The following DLC1 variants were observed in gnomAD, a reference collection of about 807,000 sequenced individuals.
DLC1 encodes the protein rho GTPase-activating protein 7.
A neutral mutation model predicts 140.3 loss-of-function variants in DLC1; 54 were observed. The ratio of observed to expected loss-of-function variants is 0.38; its 90% CI spans 0.31 to 0.48. DLC1 has a LOEUF of 0.48. DLC1 is among the 20% of genes least tolerant of loss of function. The pLI is 0.96. For synonymous variants in DLC1, 986 were observed against 728.1 expected (o/e 1.35, Z -5.70); for missense variants, 2,536 against 1,907.0 (o/e 1.33, Z -6.14).
At chr8:13,120,818 G>A (rs191510019) in intron 5 of DLC1, among the ~76,000 whole-genome samples, 198 of 152,160 alleles carry the variant, frequency 1.3e-3, no homozygotes, top group African/African-American at 4.7e-3. Flanking sequence ...GAACCATTAG[G>A]CCATATTTGC....
chr8:13,324,749 G>A (rs962115205), intron 4 of DLC1, among the ~76,000 whole-genome samples: 1 of 151,968 alleles, frequency 6.6e-6, no homozygotes, highest in Non-Finnish European at 1.5e-5. Flanking sequence ...GAGTCTTGTT[G>A]CATACCAAGC....
intron 5 of DLC1, among the ~76,000 whole-genome samples, chr8:13,138,777 T>C (rs1359554021): frequency 1.3e-5 from 2 of 152,194 alleles, no homozygotes; most frequent in Non-Finnish European, 2.9e-5. Flanking sequence ...ACCTGGTATT[T>C]AGCCTTTTCA....
At chr8:13,162,450 G>A (rs1824776581) in intron 5 of DLC1, among the ~76,000 whole-genome samples, 1 of 152,114 alleles carries the variant, frequency 6.6e-6, no homozygotes, top group African/African-American at 2.4e-5. Context: ...AGCCTTCTGA[G>A]TAGCTGGGAT....
chr8:13,280,541 T>A (rs992088883), intron 5 of DLC1, among the ~76,000 whole-genome samples: 1 of 152,164 alleles, frequency 6.6e-6, no homozygotes, highest in African/African-American at 2.4e-5. Flanking sequence ...TTTGGTAATG[T>A]ATTATTGATT....
At chr8:13,598,892 G>T (rs2117493025) in intron 1 of DLC1, among the ~76,000 whole-genome samples, 1 of 151,456 alleles carries the variant, frequency 6.6e-6, no homozygotes, top group South Asian at 2.1e-4. Context: ...TAAAATGTCA[G>T]AACTAATATT....
Position 13,100,693 on chromosome 8 carries a change from G to A in DLC1, c.1644C>T (p.Ser548=). Residue 548 remains serine (S), a synonymous_variant, in exon 9 of 18, where the codon TCC becomes TCT. Coordinates refer to ENST00000276297, the MANE Select transcript of DLC1 (RefSeq NM_182643.3). ...WTFQRDSKRW[S]RLEEFDVFSP... is the part of the protein sequence containing the mutation. ...AAAAGACATCAAACTCTTCAAGCCG[G>A]GACCACCTCTTGCTGTCCCTTTGGA... 6.2e-7 allele frequency: 1 copy of A among 1,613,322 alleles called. No individual in the cohort carries two copies. The highest frequency in any genetic ancestry group is 8.5e-7 in the Non-Finnish European group (1 of 1,179,650).
In DLC1 at chr8:13,401,502, C is replaced by T; in HGVS notation, c.1141G>A (p.Gly381Ser). Residue 381 changes from glycine (G) to serine (S), a missense_variant, in exon 3 of 18, where the codon GGC becomes AGC. Coordinates refer to ENST00000276297, the MANE Select transcript of DLC1 (RefSeq NM_182643.3). Reference sequence around the variant, plus strand: ...TGCCGCCGCAGGTTTGTTGGTGTGCCTGATGGAGAGGAGCTGGTGCTGAGG... The same window carrying T: ...TGCCGCCGCAGGTTTGTTGGTGTGCTTGATGGAGAGGAGCTGGTGCTGAGG... The part of the protein sequence containing the change: ...NALSTSSSPS[G>S]TPTNLRRHVP... The T allele has an allele frequency of 6.2e-7, 1 of 1,612,694 alleles. No individual in the cohort carries two copies.
upstream of DLC1, among the ~76,000 whole-genome samples, chr8:13,515,288 A>G (rs978367417): frequency 6.6e-6 from 1 of 152,188 alleles, no homozygotes; most frequent in Middle Eastern, 3.2e-3. Context: ...TTTTTTGAAC[A>G]TGACTTAAAA....
intron 5 of DLC1, among the ~76,000 whole-genome samples, chr8:13,174,394 C>G (rs1045389790): frequency 1.3e-5 from 2 of 152,124 alleles, no homozygotes; most frequent in Non-Finnish European, 2.9e-5. Context: ...AGTGGGATTG[C>G]TGGGTTGAAT....
At chr8:13,146,576 G>A (rs1173432350) in intron 5 of DLC1, among the ~76,000 whole-genome samples, 2 of 151,766 alleles carry the variant, frequency 1.3e-5, no homozygotes, top group Non-Finnish European at 1.5e-5. Flanking sequence ...AATTTGATCT[G>A]TAAAGGAATA....
At chr8:13,465,715 T>G (rs1460475660) in intron 2 of DLC1, among the ~76,000 whole-genome samples, 1 of 152,236 alleles carries the variant, frequency 6.6e-6, no homozygotes, top group Non-Finnish European at 1.5e-5. Context: ...TTTCTCTAAA[T>G]AGATTTTCTA....
intron 2 of DLC1, among the ~76,000 whole-genome samples, chr8:13,417,422 A>G (rs1277078990): frequency 2.2e-5 from 3 of 135,150 alleles, no homozygotes; most frequent in African/African-American, 5.7e-5. Flanking sequence ...ATGTGTTCTC[A>G]CTGTTCAATT....
At chr8:13,164,021 G>T (rs1181642071) in intron 5 of DLC1, among the ~76,000 whole-genome samples, 1 of 151,732 alleles carries the variant, frequency 6.6e-6, no homozygotes, top group Non-Finnish European at 1.5e-5. Flanking sequence ...TCTCAGCCGG[G>T]CGTGGTGGCT....
At chr8:13,286,822 AAAAG>A (rs1831551056) in intron 5 of DLC1, among the ~76,000 whole-genome samples, 2 of 152,134 alleles carry the variant, frequency 1.3e-5, no homozygotes, top group East Asian at 1.9e-4. Context: ...AAGAAGGAAA[AAAAG>A]AAAGCCTTTG....
intron 5 of DLC1, chr8:13,132,821 A>C: frequency 8.3e-7 from 1 of 1,211,542 alleles, no homozygotes; most frequent in Non-Finnish European, 1.2e-6. Flanking sequence ...CTCTGCAGAA[A>C]GCGTTTAAAG....
intron 5 of DLC1, among the ~76,000 whole-genome samples, chr8:13,143,968 G>C (rs943936359): frequency 6.6e-6 from 1 of 152,156 alleles, no homozygotes; most frequent in African/African-American, 2.4e-5. Flanking sequence ...GCTATCATCT[G>C]ACTGCAGCGG....
At chr8:13,273,569 T>A (rs1189307837) in intron 5 of DLC1, among the ~76,000 whole-genome samples, 2 of 152,150 alleles carry the variant, frequency 1.3e-5, no homozygotes, top group Non-Finnish European at 2.9e-5. Context: ...TATAAAAGGC[T>A]GCAGATGCTT....
upstream of DLC1, chr8:13,515,562 C>T (rs1802560814): frequency 6.6e-6 from 1 of 152,196 alleles, no homozygotes; most frequent in Non-Finnish European, 1.5e-5. Flanking sequence ...CTTACAACTG[C>T]TTCCATCTAG....
At chr8:13,126,482 T>C (rs1230798109) in intron 5 of DLC1, among the ~76,000 whole-genome samples, 5 of 152,168 alleles carry the variant, frequency 3.3e-5, no homozygotes, top group African/African-American at 7.2e-5. Flanking sequence ...GAATAGCTCA[T>C]AAAGTACGAA....
Sources: gnomAD v4.1 joint callset for allele counts (sites outside exome capture counted in the v4.1 genomes callset) on GRCh38, gnomAD v4.1.1 for gene constraint, MANE v1.5 for transcripts, NCBI Gene and HGNC (gene_info 2026-07-23, HGNC 2026-07-21) for gene names.